HDAC9: variants seen among roughly 807,000 people sequenced by gnomAD.
HDAC9 encodes the protein MEF-2 interacting transcription repressor (MITR) protein.
Under a neutral mutation model 139.4 loss-of-function variants are expected in HDAC9, and 41 were observed. The ratio of observed to expected loss-of-function variants is 0.29; its 90% CI spans 0.23 to 0.38. HDAC9 has a LOEUF of 0.38. Among genes scored for constraint, HDAC9 ranks in the 10% least tolerant of loss-of-function variants. The pLI is 1.00. For synonymous variants in HDAC9, 517 were observed against 476.2 expected (o/e 1.09, Z -1.12); for missense variants, 1,147 against 1,297.0 (o/e 0.88, Z 1.78).
intron 24 of HDAC9, among the ~76,000 whole-genome samples, chr7:18,958,849 A>G (rs953072143): frequency 1.3e-5 from 2 of 152,162 alleles, no homozygotes; most frequent in African/African-American, 4.8e-5. Context: ...TCCTTTCTTC[A>G]CAACCCACAA....
At chr7:18,603,710 A>G (rs1031069540) in intron 6 of HDAC9, among the ~76,000 whole-genome samples, 1 of 152,150 alleles carries the variant, frequency 6.6e-6, no homozygotes, top group Non-Finnish European at 1.5e-5. Context: ...GATAATAAAA[A>G]TAAAAGATTT....
intron 1 of HDAC9, among the ~76,000 whole-genome samples, chr7:18,114,661 C>T (rs2128086585): frequency 6.6e-6 from 1 of 152,176 alleles, no homozygotes; most frequent in Admixed American, 6.5e-5. Flanking sequence ...AGGAAGTAAC[C>T]CCAGACTTGA....
At chr7:18,757,419 G>T (rs1374160658) in intron 14 of HDAC9, among the ~76,000 whole-genome samples, 1 of 152,046 alleles carries the variant, frequency 6.6e-6, no homozygotes, top group Admixed American at 6.6e-5. Flanking sequence ...ATTTAAGTTG[G>T]ACATTTTCTC....
intron 1 of HDAC9, among the ~76,000 whole-genome samples, chr7:18,323,732 C>T (rs1369166744): frequency 2.6e-5 from 4 of 152,034 alleles, no homozygotes; most frequent in Non-Finnish European, 5.9e-5. Context: ...TGGTGAGTAC[C>T]AAGAAGAACA....
chr7:18,736,104 A>C (rs979614216), intron 13 of HDAC9, among the ~76,000 whole-genome samples: 5 of 152,194 alleles, frequency 3.3e-5, no homozygotes, highest in Admixed American at 3.3e-4. Context: ...GACTTTGCTG[A>C]AGTTGCTTAT....
At chr7:18,735,419 G>A (rs544447062) in intron 13 of HDAC9, among the ~76,000 whole-genome samples, 1 of 149,722 alleles carries the variant, frequency 6.7e-6, no homozygotes, top group African/African-American at 2.6e-5. Context: ...TGTATAAGGT[G>A]TAAGGAAGGG....
At chr7:18,818,129 A>G (rs1436314282) in intron 17 of HDAC9, among the ~76,000 whole-genome samples, 1 of 152,198 alleles carries the variant, frequency 6.6e-6, no homozygotes, top group Non-Finnish European at 1.5e-5. Flanking sequence ...TTGGAAATAC[A>G]TGCTGTAGAA....
At chr7:18,873,926 T>A (rs1156339576) in intron 21 of HDAC9, among the ~76,000 whole-genome samples, 1 of 152,094 alleles carries the variant, frequency 6.6e-6, no homozygotes, top group Non-Finnish European at 1.5e-5. Flanking sequence ...AACATTGTAG[T>A]CTGGATTCTA....
intron 2 of HDAC9, among the ~76,000 whole-genome samples, chr7:18,556,372 A>T (rs1457280806): frequency 2.6e-5 from 4 of 152,112 alleles, no homozygotes; most frequent in African/African-American, 9.6e-5. Context: ...TTATCCATTG[A>T]GCAAGGGCTT....
At chr7:18,347,618 A>AT (rs935659188) in intron 1 of HDAC9, among the ~76,000 whole-genome samples, 9 of 151,968 alleles carry the variant, frequency 5.9e-5, no homozygotes, top group African/African-American at 1.9e-4. Context: ...ATTTTATTTT[A>AT]TTTTTTAGAC....
At chr7:18,274,379 G>T (rs1459112965) in intron 2 of HDAC9, among the ~76,000 whole-genome samples, 1 of 152,170 alleles carries the variant, frequency 6.6e-6, no homozygotes, top group Non-Finnish European at 1.5e-5. Flanking sequence ...GAGAGAGAAT[G>T]CAAGAGAGCA....
intron 1 of HDAC9, among the ~76,000 whole-genome samples, chr7:18,121,760 G>T (rs1784378632): frequency 6.6e-6 from 1 of 152,096 alleles, no homozygotes; most frequent in Admixed American, 6.5e-5. Flanking sequence ...ATACTAACAA[G>T]AGTCTTACTG....
intron 12 of HDAC9, among the ~76,000 whole-genome samples, chr7:18,685,710 C>A (rs1332665518): frequency 1.3e-5 from 2 of 151,804 alleles, no homozygotes; most frequent in Non-Finnish European, 2.9e-5. Context: ...AGATTTCCTC[C>A]TAAGGGGGGT....
chr7:18,627,918 C>G (rs1842127521), intron 6 of HDAC9, among the ~76,000 whole-genome samples: 1 of 151,518 alleles, frequency 6.6e-6, no homozygotes, highest in Non-Finnish European at 1.5e-5. Context: ...TTTCACCAAG[C>G]CAATTCCAAG....
At chr7:18,649,383 A>C (rs777191739) in intron 11 of HDAC9, among the ~76,000 whole-genome samples, 1 of 152,144 alleles carries the variant, frequency 6.6e-6, no homozygotes, top group African/African-American at 2.4e-5. Context: ...CAGTTTTTCC[A>C]CTACTTTTTG....
chr7:18,420,640 A>G (rs568664251), intron 1 of HDAC9, among the ~76,000 whole-genome samples: 123 of 152,278 alleles, frequency 8.1e-4, no homozygotes, highest in African/African-American at 2.8e-3. Flanking sequence ...TAAGTACCCA[A>G]TTTCTGGCAG....
At chr7:18,166,438 C>T (rs1788017510) in intron 2 of HDAC9, among the ~76,000 whole-genome samples, 2 of 152,090 alleles carry the variant, frequency 1.3e-5, no homozygotes, top group African/African-American at 2.4e-5. Context: ...AAGTCTTGGG[C>T]AAAAATTAAT....
chr7:18,447,935 G>A (rs1415276366), intron 1 of HDAC9, among the ~76,000 whole-genome samples: 1 of 152,114 alleles, frequency 6.6e-6, no homozygotes. Flanking sequence ...CTGCCTCCTG[G>A]GTTCAAGCAA....
chr7:18,761,216 G>A (rs1306723676), intron 14 of HDAC9, among the ~76,000 whole-genome samples: 1 of 152,202 alleles, frequency 6.6e-6, no homozygotes, highest in African/African-American at 2.4e-5. Context: ...TGTGCCAGCT[G>A]AGGAATGTAG....
Sources: allele counts gnomAD v4.1 joint callset (sites outside exome capture counted in the v4.1 genomes callset), GRCh38; gene constraint gnomAD v4.1.1; transcripts MANE v1.5; gene names NCBI Gene and HGNC (gene_info 2026-07-23, HGNC 2026-07-21).